NDRG3: variants seen among roughly 807,000 people sequenced by gnomAD.
NDRG3 encodes NDRG family member 3.
NDRG3 carries 23 observed loss-of-function variants against 57.2 expected under a neutral mutation model. That is an observed-to-expected ratio of 0.40 (90% CI 0.29 to 0.57). NDRG3 has a LOEUF of 0.57. Among genes scored for constraint, NDRG3 ranks in the 20% least tolerant of loss-of-function variants. The pLI is 0.42. For missense variants in NDRG3, 384 were observed against 457.3 expected (o/e 0.84, Z 1.46); for synonymous variants, 132 against 162.6 (o/e 0.81, Z 1.43).
intron 1 of NDRG3, among the ~76,000 whole-genome samples, chr20:36,722,041 G>A (rs1042395538): frequency 1.1e-4 from 17 of 152,030 alleles, no homozygotes; most frequent in African/African-American, 3.1e-4. Context: ...ATTAGAATAC[G>A]GCAAAAGTGA....
chr20:36,684,966 C>T (rs1981656307), intron 5 of NDRG3, among the ~76,000 whole-genome samples: 1 of 152,156 alleles, frequency 6.6e-6, no homozygotes, highest in Non-Finnish European at 1.5e-5. Flanking sequence ...AACTGCCATG[C>T]TAAGGAGAAA....
At chr20:36,671,773 G>A (rs1227832090) in intron 8 of NDRG3, among the ~76,000 whole-genome samples, 1 of 145,786 alleles carries the variant, frequency 6.9e-6, no homozygotes, top group Non-Finnish European at 1.5e-5. Flanking sequence ...CTGCACTCCA[G>A]CCTGGGCGAC....
At position 36,721,667 on chromosome 20, in the gene NDRG3, A is replaced by T; in HGVS notation, c.57+12T>A. ...CTTGTCCATATTTTAGTGAAAACAG[A>T]AAAGTCTTTACCTTATCATTTAGAA... On this transcript the variant is annotated intron_variant, in intron 2 of 15. Coordinates refer to ENST00000349004, the MANE Select transcript of NDRG3 (RefSeq NM_032013.4). 1 of 1,558,980 alleles carries T rather than the reference A, an allele frequency of 6.4e-7. No individual in the cohort carries two copies. Among genetic ancestry groups the T allele is most frequent in the Non-Finnish European group, 8.8e-7 (1 of 1,139,938 alleles).
At chr20:36,668,727 A>G (rs1420505827) in intron 9 of NDRG3, 1 of 151,754 alleles carries the variant, frequency 6.6e-6, no homozygotes, top group African/African-American at 2.4e-5. Context: ...CTATGACCTC[A>G]TATGTTTTAA....
chr20:36,735,594 A>C (rs1985562651), intron 1 of NDRG3, among the ~76,000 whole-genome samples: 1 of 152,164 alleles, frequency 6.6e-6, no homozygotes, highest in Admixed American at 6.6e-5. Flanking sequence ...GATGGTCAGG[A>C]GTTTCCCAAG....
chr20:36,680,025 T>C (rs1474988638), intron 8 of NDRG3, among the ~76,000 whole-genome samples: 1 of 150,930 alleles, frequency 6.6e-6, no homozygotes, highest in Non-Finnish European at 1.5e-5. Context: ...GGTTTCTCCA[T>C]GTTGGTCAGG....
chr20:36,674,737 A>G (rs1980505891), intron 8 of NDRG3, among the ~76,000 whole-genome samples: 1 of 151,418 alleles, frequency 6.6e-6, no homozygotes, highest in Non-Finnish European at 1.5e-5. Context: ...AGCTGGGACT[A>G]CAAGCGTGTA....
At chr20:36,656,723 C>T (rs1219242025) in intron 13 of NDRG3, among the ~76,000 whole-genome samples, 191 bp from the exon 14 acceptor site, 2 of 152,188 alleles carry the variant, frequency 1.3e-5, no homozygotes, top group Non-Finnish European at 2.9e-5. Context: ...TTATTACATA[C>T]TTATTTATCA....
intron 3 of NDRG3, among the ~76,000 whole-genome samples, chr20:36,696,770 C>T (rs1015068476): frequency 7.2e-5 from 11 of 152,026 alleles, no homozygotes; most frequent in Admixed American, 2.0e-4. Context: ...GGATTACAGG[C>T]GTGAGCCACC....
At chr20:36,663,708 A>G (rs1012284094) in intron 12 of NDRG3, among the ~76,000 whole-genome samples, 1 of 152,254 alleles carries the variant, frequency 6.6e-6, no homozygotes, top group Non-Finnish European at 1.5e-5. Flanking sequence ...GTAAAGATGT[A>G]TAATTTTGGA....
At chr20:36,739,699 GA>G (rs1355496303) in intron 1 of NDRG3, among the ~76,000 whole-genome samples, 15 of 151,754 alleles carry the variant, frequency 9.9e-5, no homozygotes, top group Non-Finnish European at 1.6e-4. Context: ...GAGGTGGGCG[GA>G]TCATGAGGTC....
At chr20:36,672,389 G>C (rs975111952) in intron 8 of NDRG3, among the ~76,000 whole-genome samples, 2 of 152,194 alleles carry the variant, frequency 1.3e-5, no homozygotes, top group African/African-American at 4.8e-5. Flanking sequence ...ATGAAGTACT[G>C]AATTGGGGGT....
intron 3 of NDRG3, among the ~76,000 whole-genome samples, chr20:36,696,903 A>G (rs968510433): frequency 2.0e-5 from 3 of 152,204 alleles, no homozygotes; most frequent in African/African-American, 4.8e-5. Flanking sequence ...AATCTGTTCC[A>G]TAAAGTACCA....
intron 13 of NDRG3, 26 bp downstream of exon 13, chr20:36,660,311 G>A (rs770918851): frequency 2.5e-6 from 4 of 1,569,360 alleles, no homozygotes; most frequent in East Asian, 2.3e-5. Context: ...TATAAGGGTT[G>A]GAAGTGAGGG....
intron 3 of NDRG3, among the ~76,000 whole-genome samples, chr20:36,693,756 C>A (rs1473700934): frequency 1.3e-5 from 2 of 151,680 alleles, no homozygotes; most frequent in African/African-American, 4.9e-5. Context: ...CTATCACTGT[C>A]TCCCATCACC....
chr20:36,655,726 G>C (rs1430083699), intron 15 of NDRG3, among the ~76,000 whole-genome samples: 3 of 152,222 alleles, frequency 2.0e-5, no homozygotes, highest in Admixed American at 2.0e-4. Flanking sequence ...CAGACTGTCA[G>C]GGTTTGAATC....
chr20:36,656,613 G>T, intron 13 of NDRG3, 81 bp from the exon 14 acceptor site: 1 of 1,458,208 alleles, frequency 6.9e-7, no homozygotes, highest in South Asian at 1.2e-5. Context: ...CTTTCAAACA[G>T]AACAAGATTG....
At chr20:36,741,703 C>A (rs1985937224) in intron 1 of NDRG3, among the ~76,000 whole-genome samples, 1 of 152,146 alleles carries the variant, frequency 6.6e-6, no homozygotes, top group Admixed American at 6.6e-5. Flanking sequence ...CAGTTTCTGA[C>A]TCTAGCTGCT....
intron 1 of NDRG3, among the ~76,000 whole-genome samples, chr20:36,730,703 T>A (rs1207265044): frequency 6.6e-6 from 1 of 151,834 alleles, no homozygotes; most frequent in African/African-American, 2.4e-5. Context: ...ATCCTAGCAC[T>A]GTGGGAGGCC....
Sources: gnomAD v4.1 joint callset for allele counts (sites outside exome capture counted in the v4.1 genomes callset) on GRCh38, gnomAD v4.1.1 for gene constraint, MANE v1.5 for transcripts, NCBI Gene and HGNC (gene_info 2026-07-23, HGNC 2026-07-21) for gene names.